The following AMZ2 variants were observed in gnomAD, a reference collection of about 807,000 sequenced individuals.
AMZ2 encodes the protein archaemetzincin-2.
A neutral mutation model predicts 36.7 loss-of-function variants in AMZ2; 26 were observed. That is an observed-to-expected ratio of 0.71 (90% CI 0.52 to 0.98). The LOEUF is 0.98. Ranked by LOEUF, AMZ2 falls within the 50% of genes least tolerant of loss-of-function variation. The probability of loss-of-function intolerance (pLI) is 0.00; values close to 1 mark genes in which losing one functional copy is unlikely to be tolerated. For missense variants in AMZ2, 394 were observed against 430.5 expected, an observed-to-expected ratio of 0.92 and a Z score of 0.75; for synonymous variants, 144 against 149.1, an observed-to-expected ratio of 0.97 and a Z score of 0.25.
chr17:68,210,639 A>C (rs1414351439), intron 1 of AMZ2, among the ~76,000 whole-genome samples: 9 of 152,284 alleles, frequency 5.9e-5, no homozygotes, highest in African/African-American at 1.9e-4. Context: ...ACTCTACTGA[A>C]TTGTACACTT....
intron 1 of AMZ2, among the ~76,000 whole-genome samples, chr17:68,230,259 G>T (rs375217544): frequency 6.6e-6 from 1 of 152,172 alleles, no homozygotes; most frequent in South Asian, 2.1e-4. Flanking sequence ...TTTTAGTAGA[G>T]ATGGGAGTTT....
At chr17:68,255,604 T>C in intron 5 of AMZ2, 96 bp from the exon 6 acceptor site, 1 of 1,318,914 alleles carries the variant, frequency 7.6e-7, no homozygotes, top group South Asian at 1.4e-5. Flanking sequence ...GGTAAGGGAG[T>C]TGATTCCTAT....
chr17:68,248,166 G>C lies in AMZ2; in HGVS notation c.-540G>C. ...TGGGCCGGGGCCCCTAGGCAGGGTAGCCGGGTCGTAGAGGCGGGGGCCGGT... is the reference window on the plus strand; with the variant it reads ...TGGGCCGGGGCCCCTAGGCAGGGTACCCGGGTCGTAGAGGCGGGGGCCGGT... On this transcript the variant is annotated 5_prime_UTR_variant, in exon 1 of 7. Coordinates refer to ENST00000359904, the MANE Select transcript of AMZ2 (RefSeq NM_016627.5). 2.0e-6 allele frequency: 2 copies of C among 986,438 alleles called. No individual in the cohort carries two copies. The highest frequency in any genetic ancestry group is 2.4e-6 in the Non-Finnish European group (2 of 830,652). 61.1% of individuals were successfully genotyped at this position (986,438 alleles called of 1,614,324 possible). A position where few individuals can be genotyped will look rare whatever the true frequency, so the allele number is the denominator to read the frequency against.
At chr17:68,250,560 G>A in intron 2 of AMZ2, 90 bp downstream of exon 2, 1 of 1,475,304 alleles carries the variant, frequency 6.8e-7, no homozygotes, top group Non-Finnish European at 9.1e-7. Context: ...ATTCAGATGG[G>A]CCGTTTTAGG....
Position 68,248,302 on chromosome 17 carries a change from T to A in AMZ2, c.-404T>A. ...CCAGGGAGGCCTTTCCCGAGGCTCC[T>A]GGGGAAGAAGAGGCGAAGCGAGAGT... On this transcript the variant is annotated 5_prime_UTR_variant, in exon 1 of 7. Transcript: ENST00000359904. The A allele has an allele frequency of 1.0e-6, 1 of 985,890 alleles. No homozygotes were observed. The highest frequency in any genetic ancestry group is 1.2e-6 in the Non-Finnish European group (1 of 830,124). 61.1% of individuals were successfully genotyped at this position (985,890 alleles called of 1,614,324 possible).
chr17:68,222,339 A>C (rs2073389212), intron 1 of AMZ2, among the ~76,000 whole-genome samples: 1 of 152,242 alleles, frequency 6.6e-6, no homozygotes. Context: ...CACAGAATGT[A>C]AGCTACACGC....
At chr17:68,255,615 G>GT in intron 5 of AMZ2, 85 bp from the exon 6 acceptor site, 2 of 1,414,578 alleles carry the variant, frequency 1.4e-6, no homozygotes, top group Non-Finnish European at 1.9e-6. Flanking sequence ...TGATTCCTAT[G>GT]TTTCTTGGAA....
At chr17:68,222,646 A>AG (rs1301072751) in intron 1 of AMZ2, among the ~76,000 whole-genome samples, 1 of 152,240 alleles carries the variant, frequency 6.6e-6, no homozygotes, top group Non-Finnish European at 1.5e-5. Context: ...AGACAGCGAT[A>AG]GATCATCGAG....
intron 4 of AMZ2, 22 bp from the exon 5 acceptor site, chr17:68,254,382 A>T (rs1345258145): frequency 4.4e-6 from 7 of 1,598,264 alleles, no homozygotes; most frequent in Non-Finnish European, 6.0e-6. Flanking sequence ...TCATTCTGTC[A>T]CTGTTTGTCC....
Sources: gnomAD v4.1 joint callset for allele counts (sites outside exome capture counted in the v4.1 genomes callset) on GRCh38, gnomAD v4.1.1 for gene constraint, MANE v1.5 for transcripts, NCBI Gene and HGNC (gene_info 2026-07-23, HGNC 2026-07-21) for gene names.